VPS13D: variants seen among roughly 807,000 people sequenced by gnomAD.
VPS13D encodes the protein intermembrane lipid transfer protein VPS13D.
In VPS13D, 187 loss-of-function variants were observed where a neutral mutation model predicts 461.9. The ratio of observed to expected loss-of-function variants is 0.40; its 90% CI spans 0.36 to 0.46. VPS13D has a LOEUF of 0.46. Ranked by LOEUF, VPS13D falls within the 20% of genes least tolerant of loss-of-function variation. The probability of loss-of-function intolerance (pLI) is 0.60; values close to 1 mark genes in which losing one functional copy is unlikely to be tolerated. For synonymous variants in VPS13D, 1,951 were observed against 1,986.3 expected (o/e 0.98, Z 0.47); for missense variants, 4,711 against 5,364.9 (o/e 0.88, Z 3.81).
Position 12,308,448 on chromosome 1 carries a change from C to T in VPS13D, c.6457C>T (p.Leu2153=), listed in dbSNP as rs746377348. 8.1e-6 allele frequency: 13 copies of T among 1,613,986 alleles called. No homozygotes were observed. Among genetic ancestry groups the T allele is most frequent in the South Asian group, 4.4e-5 (4 of 91,086 alleles). Reference sequence around the variant, plus strand: ...CCTTGTAGAAGACCATGTCTGCCTGCTGGATTGCGTTGTCGTGGATCTCCA... The same window carrying T: ...CCTTGTAGAAGACCATGTCTGCCTGTTGGATTGCGTTGTCGTGGATCTCCA... ...SSSPEDHVCL[L]DCVVVDLQDM... is the part of the protein sequence containing the mutation. The change falls in exon 27 of 70, where the codon CTG becomes TTG. Residue 2153 remains leucine (L), a synonymous_variant. Transcript: ENST00000620676.
intron 67 of VPS13D, among the ~76,000 whole-genome samples, chr1:12,496,533 T>G (rs1645959548): frequency 6.6e-6 from 1 of 152,214 alleles, no homozygotes; most frequent in Non-Finnish European, 1.5e-5. Flanking sequence ...AGGCTTCTCC[T>G]CTCTTTTAGA....
chr1:12,242,641 G>A, intron 3 of VPS13D, 51 bp downstream of exon 3: 10 of 1,533,412 alleles, frequency 6.5e-6, no homozygotes, highest in Non-Finnish European at 9.0e-6. Flanking sequence ...AATTGTTTGA[G>A]AGGTGAAAAC....
rs1408764408 is a variant in VPS13D at position 12,343,029 on chromosome 1, G to C, written c.8863G>C (p.Ala2955Pro). 9 of 1,612,806 alleles carry C rather than the reference G, an allele frequency of 5.6e-6. No individual in the cohort carries two copies. Among genetic ancestry groups the C allele is most frequent in the Non-Finnish European group, 7.6e-6 (9 of 1,179,072 alleles). The change falls in exon 42 of 70, where the codon GCA (alanine) becomes CCA (proline). Residue 2955 changes from alanine to proline, a missense_variant. Physicochemically the swap from Ala to Pro is conservative, Grantham distance 27. Transcript: ENST00000620676. ...TGAAGAGATTCCCTTTGAATTTGAA[G>C]CAAGAGGAAAGTTAAGACACAGGTA... ...TGEEIPFEFE[A>P]RGKLRHRHTH...
chr1:12,320,243 CATT>C (rs1456809683), intron 32 of VPS13D, among the ~76,000 whole-genome samples: 7 of 152,154 alleles, frequency 4.6e-5, no homozygotes, highest in Non-Finnish European at 8.8e-5. Context: ...TCGGAAATGT[CATT>C]ATGCAATATT....
intron 49 of VPS13D, among the ~76,000 whole-genome samples, chr1:12,358,179 CAT>C (rs952168255): frequency 3.3e-5 from 5 of 152,180 alleles, no homozygotes; most frequent in Admixed American, 1.3e-4. Context: ...CCACTTTCCT[CAT>C]GTGTTATATT....
At position 12,385,196 on chromosome 1, in the gene VPS13D, G is replaced by A. The variant is rs41279464; in HGVS notation, c.11371-64G>A. 12,915 of 1,334,064 alleles carry A rather than the reference G, an allele frequency of 9.7e-3. 107 individuals carry two copies. The highest frequency in any genetic ancestry group is 0.013 in the Non-Finnish European group (11,847 of 933,364). The allele number at this position is 1,334,064 out of a possible 1,614,324, so 82.6% of individuals were successfully genotyped here. On this transcript the variant is annotated intron_variant, in intron 58 of 69. Transcript: ENST00000620676. ...ACTTTTGACCTACACAGTTGTTCTG[G>A]GTTAGAATAGGTTTCAATAAGGAAG...
rs761781147 is a variant in VPS13D at position 12,362,757 on chromosome 1, T to A, written c.10179T>A (p.Asp3393Glu). ...DVKKGRGRYI[D>E]TCMVIFAPRY... is the part of the protein sequence containing the mutation. ...AGAAAGGCCGAGGTCGATACATTGA[T>A]ACCTGCATGGTCATCTTTGCCCCCC... Residue 3393 changes from aspartate (D) to glutamate (E), a missense_variant, in exon 51 of 70, where the codon GAT (aspartate) becomes GAA (glutamate). Asp to Glu is a conservative substitution (Grantham distance 45). Transcript: ENST00000620676. 2.2e-5 allele frequency: 36 copies of A among 1,614,126 alleles called. No individual in the cohort carries two copies. Among genetic ancestry groups the A allele is most frequent in the South Asian group, 1.4e-4 (13 of 91,084 alleles).
At chr1:12,232,414 G>A (rs56157740) in intron 1 of VPS13D, among the ~76,000 whole-genome samples, 4,537 of 152,238 alleles carry the variant, frequency 0.03, 128 homozygotes, top group African/African-American at 0.07. Context: ...GTGGGGCAGC[G>A]TGCTTGGAGA....
At chr1:12,255,378 A>C (rs1314406433) in intron 7 of VPS13D, among the ~76,000 whole-genome samples, 1 of 152,220 alleles carries the variant, frequency 6.6e-6, no homozygotes, top group Non-Finnish European at 1.5e-5. Flanking sequence ...AGTTAAACAA[A>C]CTAAGGTAAA....
At chr1:12,259,807 A>G (rs1267725057) in intron 10 of VPS13D, among the ~76,000 whole-genome samples, 1 of 152,124 alleles carries the variant, frequency 6.6e-6, no homozygotes, top group Non-Finnish European at 1.5e-5. Flanking sequence ...AACAAGTGAA[A>G]ATGACCACGT....
At chr1:12,266,629 C>T (rs1641276670) in intron 13 of VPS13D, among the ~76,000 whole-genome samples, 1 of 152,358 alleles carries the variant, frequency 6.6e-6, no homozygotes, top group South Asian at 2.1e-4. Flanking sequence ...CTTTTCTATG[C>T]ACTGGGAAAC....
intron 2 of VPS13D, among the ~76,000 whole-genome samples, chr1:12,240,453 G>A (rs1225695035): frequency 2.6e-5 from 4 of 151,990 alleles, no homozygotes; most frequent in Admixed American, 6.6e-5. Flanking sequence ...AAATTAGCTG[G>A]GTGTGGTGGC....
At chr1:12,238,824 A>G (rs895468786) in intron 2 of VPS13D, among the ~76,000 whole-genome samples, 1 of 151,836 alleles carries the variant, frequency 6.6e-6, no homozygotes, top group Non-Finnish European at 1.5e-5. Flanking sequence ...TTGTAGATAC[A>G]GGGTTTCACT....
intron 45 of VPS13D, 57 bp from the exon 46 acceptor site, chr1:12,349,107 C>A: frequency 6.2e-7 from 1 of 1,611,468 alleles, no homozygotes; most frequent in South Asian, 1.1e-5. Flanking sequence ...CTGAGATGGT[C>A]AATCTTTGGG....
At chr1:12,452,010 C>T (rs1315983511) in intron 65 of VPS13D, among the ~76,000 whole-genome samples, 1 of 152,174 alleles carries the variant, frequency 6.6e-6, no homozygotes, top group African/African-American at 2.4e-5. Flanking sequence ...TGTCTGTGAT[C>T]TCATAGCTGT....
intron 43 of VPS13D, among the ~76,000 whole-genome samples, chr1:12,345,776 G>A (rs1035762685): frequency 1.3e-5 from 2 of 152,186 alleles, no homozygotes; most frequent in African/African-American, 4.8e-5. Flanking sequence ...CTGACTGGCA[G>A]TTTACTAGTC....
chr1:12,247,853 G>A (rs1321287101), intron 5 of VPS13D, among the ~76,000 whole-genome samples: 2 of 150,568 alleles, frequency 1.3e-5, no homozygotes, highest in Non-Finnish European at 3.0e-5. Flanking sequence ...ACAGGCCTGC[G>A]CTATCATGCC....
At position 12,311,443 on chromosome 1, in the gene VPS13D, C is replaced by T. The variant is rs759468264; in HGVS notation, c.6651-11C>T. ...CTTGTCTGTGTAAGTGATCTTTTTT[C>T]TTTTTCATAGAGAAATAAGTCATAC... is the stretch of plus-strand genomic sequence containing the variant. On this transcript the variant is annotated splice_polypyrimidine_tract_variant and intron_variant, in intron 27 of 69. Transcript: ENST00000620676. 1.1e-5 allele frequency: 17 copies of T among 1,589,848 alleles called. No individual in the cohort carries two copies. In the Admixed American group the frequency reaches 1.8e-4, roughly 17 times the overall value.
chr1:12,288,387 A>G, intron 22 of VPS13D, 74 bp downstream of exon 22: 1 of 1,341,340 alleles, frequency 7.5e-7, no homozygotes, highest in Admixed American at 1.7e-5. Flanking sequence ...TCACAAATTG[A>G]TTGTCCTCAC....
Sources: gnomAD v4.1 joint callset for allele counts (sites outside exome capture counted in the v4.1 genomes callset) on GRCh38, gnomAD v4.1.1 for gene constraint, MANE v1.5 for transcripts, NCBI Gene and HGNC (gene_info 2026-07-23, HGNC 2026-07-21) for gene names.